The following SLC16A7 variants were observed in gnomAD, a reference collection of about 807,000 sequenced individuals.
SLC16A7 encodes solute carrier family 16 member 7.
Under a neutral mutation model 34.9 loss-of-function variants are expected in SLC16A7, and 33 were observed. The observed-to-expected ratio is 0.94, with a 90% confidence interval of 0.72 to 1.26. SLC16A7 has a LOEUF of 1.26. Ranked by LOEUF, SLC16A7 falls within the 50% of genes most tolerant of loss-of-function variation. The pLI, the probability that SLC16A7 is intolerant of heterozygous loss-of-function variation, is 0.00. For missense variants in SLC16A7, 573 were observed against 578.1 expected (o/e 0.99, Z 0.09); for synonymous variants, 201 against 206.6 (o/e 0.97, Z 0.23).
At chr12:59,735,202 T>C (rs1877453195) in intron 3 of SLC16A7, among the ~76,000 whole-genome samples, 1 of 152,202 alleles carries the variant, frequency 6.6e-6, no homozygotes, top group Admixed American at 6.5e-5. Flanking sequence ...AAGACATAGT[T>C]TTTATATTGG....
intron 2 of SLC16A7, among the ~76,000 whole-genome samples, chr12:59,695,194 G>T (rs1184173331): frequency 6.6e-6 from 1 of 151,878 alleles, no homozygotes; most frequent in Non-Finnish European, 1.5e-5. Context: ...TTTTAGATAT[G>T]CCTTAGGCTG....
chr12:59,704,199 C>CAAAAAAAA (rs34021022), intron 2 of SLC16A7, among the ~76,000 whole-genome samples: 10 of 51,584 alleles, frequency 1.9e-4, no homozygotes, highest in East Asian at 5.9e-4. Context: ...GACTCTGTCT[C>CAAAAAAAA]AAAAAAAAAA....
At chr12:59,765,631 T>C (rs942906014) in intron 3 of SLC16A7, among the ~76,000 whole-genome samples, 3 of 152,204 alleles carry the variant, frequency 2.0e-5, no homozygotes, top group Non-Finnish European at 4.4e-5. Context: ...TTGTCAAAGA[T>C]CAGATAGTTG....
chr12:59,708,892 A>G (rs1240581448), intron 3 of SLC16A7, among the ~76,000 whole-genome samples: 1 of 151,810 alleles, frequency 6.6e-6, no homozygotes, highest in East Asian at 1.9e-4. Flanking sequence ...TCCTTAGAAT[A>G]ATGGCATCAC....
intron 1 of SLC16A7, among the ~76,000 whole-genome samples, chr12:59,653,688 T>G: frequency 6.6e-6 from 1 of 151,698 alleles, no homozygotes. Context: ...TTACCATGTA[T>G]ATACATGGTC....
intron 3 of SLC16A7, among the ~76,000 whole-genome samples, chr12:59,706,993 C>T (rs900155545): frequency 6.6e-5 from 10 of 152,008 alleles, no homozygotes; most frequent in Non-Finnish European, 1.5e-4. Context: ...TAAAACAATA[C>T]AGGTTATTTC....
chr12:59,756,855 C>T (rs1880412263), intron 3 of SLC16A7, among the ~76,000 whole-genome samples: 2 of 130,890 alleles, frequency 1.5e-5, no homozygotes, highest in African/African-American at 6.3e-5. Flanking sequence ...TGGAACCAAC[C>T]GAAATGTCCA....
chr12:59,740,554 C>A (rs908975647), intron 3 of SLC16A7, among the ~76,000 whole-genome samples: 7 of 152,118 alleles, frequency 4.6e-5, no homozygotes, highest in Non-Finnish European at 7.4e-5. Flanking sequence ...ATTGATGGGA[C>A]GTATCTCAAA....
At chr12:59,714,731 A>C (rs1319702052) in intron 3 of SLC16A7, among the ~76,000 whole-genome samples, 1 of 151,870 alleles carries the variant, frequency 6.6e-6, no homozygotes, top group Non-Finnish European at 1.5e-5. Context: ...TGCCCAGCAA[A>C]TTTTTGTATT....
rs367752882 is a variant in SLC16A7, at chr12:59,732,543, TC to T, written c.217+27526del. On this transcript the variant is annotated intron_variant, in intron 3 of 5. Coordinates refer to ENST00000547379, the MANE Select transcript of SLC16A7 (RefSeq NM_001270623.2). ...ATGAGAGGGTGCTGTGCACAGAAGA[TC>T]ATATGTGACTGAAGCCTAATTTGTG... Among the ~76,000 whole-genome samples, 171 of 152,322 alleles carry T rather than the reference TC, an allele frequency of 1.1e-3. 2 individuals carry two copies. Among genetic ancestry groups the T allele is most frequent in the African/African-American group, 4.0e-3 (167 of 41,576 alleles).
intron 3 of SLC16A7, among the ~76,000 whole-genome samples, chr12:59,765,155 C>A (rs1592674491): frequency 6.6e-6 from 1 of 152,146 alleles, no homozygotes; most frequent in East Asian, 1.9e-4. Context: ...TATTCATATC[C>A]TTCGCCCACT....
chr12:59,755,534 G>A (rs1777388303), intron 3 of SLC16A7, among the ~76,000 whole-genome samples: 1 of 152,094 alleles, frequency 6.6e-6, no homozygotes, highest in Admixed American at 6.5e-5. Flanking sequence ...AAATACCTAG[G>A]AATCCACCTT....
chr12:59,763,669 TA>T (rs1881247334), intron 3 of SLC16A7, among the ~76,000 whole-genome samples: 1 of 152,172 alleles, frequency 6.6e-6, no homozygotes, highest in Non-Finnish European at 1.5e-5. Flanking sequence ...AATACTGCAT[TA>T]ATTACAAATT....
chr12:59,769,821 T>A (rs1003405337), intron 3 of SLC16A7, among the ~76,000 whole-genome samples: 21 of 152,098 alleles, frequency 1.4e-4, no homozygotes, highest in South Asian at 2.1e-4. Flanking sequence ...AGCTGAAAAA[T>A]TATGTTTTTT....
chr12:59,732,928 T>G (rs1877127383), intron 3 of SLC16A7, among the ~76,000 whole-genome samples: 1 of 152,184 alleles, frequency 6.6e-6, no homozygotes, highest in Non-Finnish European at 1.5e-5. Flanking sequence ...AGTATGTAAT[T>G]CATTCTCATT....
chr12:59,622,099 A>G (rs1879720198), intron 1 of SLC16A7, among the ~76,000 whole-genome samples: 1 of 151,842 alleles, frequency 6.6e-6, no homozygotes, highest in African/African-American at 2.4e-5. Flanking sequence ...GTGTGCTCAA[A>G]ATAAGGTAAA....
At chr12:59,649,087 G>A (rs1041928914) in intron 1 of SLC16A7, among the ~76,000 whole-genome samples, 3 of 152,144 alleles carry the variant, frequency 2.0e-5, no homozygotes, top group Non-Finnish European at 2.9e-5. Flanking sequence ...ATGGAAGTAG[G>A]ATTATTCTGA....
At chr12:59,733,980 G>A (rs575566402) in intron 3 of SLC16A7, 1 of 371,788 alleles carries the variant, frequency 2.7e-6, no homozygotes, top group Admixed American at 3.2e-5. Flanking sequence ...GGAAGTGCAT[G>A]CTGATTGGTC....
At chr12:59,774,623 G>T in intron 4 of SLC16A7, 34 bp from the exon 5 acceptor site, 1 of 1,354,496 alleles carries the variant, frequency 7.4e-7, no homozygotes, top group Non-Finnish European at 1.0e-6. Context: ...TAATGTGTTT[G>T]TGTTTTCCCC....
Sources: allele counts gnomAD v4.1 joint callset (sites outside exome capture counted in the v4.1 genomes callset), GRCh38; gene constraint gnomAD v4.1.1; transcripts MANE v1.5; gene names NCBI Gene and HGNC (gene_info 2026-07-23, HGNC 2026-07-21).